Variants in CCBE1 observed in about 807,000 individuals in gnomAD.
CCBE1 encodes collagen and calcium binding EGF domains 1.
CCBE1 carries 37 observed loss-of-function variants against 50.0 expected under a neutral mutation model. The ratio of observed to expected loss-of-function variants is 0.74; its 90% CI spans 0.57 to 0.97. The LOEUF (loss-of-function observed/expected upper bound fraction) is 0.97. Ranked by LOEUF, CCBE1 falls within the 50% of genes least tolerant of loss-of-function variation. CCBE1 has a pLI of 0.00. For synonymous variants in CCBE1, 234 were observed against 203.7 expected, an observed-to-expected ratio of 1.15 and a Z score of -1.27; for missense variants, 538 against 523.8, an observed-to-expected ratio of 1.03 and a Z score of -0.26.
chr18:59,514,644 T>TCAA (rs1333839795), intron 2 of CCBE1, among the ~76,000 whole-genome samples: 1 of 114,702 alleles, frequency 8.7e-6, no homozygotes, highest in African/African-American at 3.7e-5. Flanking sequence ...TTCCTTTCCT[T>TCAA]GAAAAAAAAA....
chr18:59,578,834 G>A (rs1288882700), intron 2 of CCBE1, among the ~76,000 whole-genome samples: 1 of 152,186 alleles, frequency 6.6e-6, no homozygotes, highest in Non-Finnish European at 1.5e-5. Context: ...AGCATTAGGA[G>A]AAATACCTAA....
rs1268709288 is a variant in CCBE1 at position 59,500,070 on chromosome 18, C to T, written c.213-19832G>A. 2.0e-5 allele frequency among the ~76,000 whole-genome samples: 3 copies of T among 152,202 alleles called. No homozygotes were observed. In the East Asian group the frequency reaches 5.8e-4, roughly 29 times the overall value. ...GGCTTAGCTCTTCAGCAGGGGCTGC[C>T]TGAGTCAAAAGATAAGTCCCAGAGG... On this transcript the variant is annotated intron_variant, in intron 2 of 10. Transcript: ENST00000439986.
At chr18:59,631,724 A>G (rs1454907309) in intron 2 of CCBE1, among the ~76,000 whole-genome samples, 4 of 152,212 alleles carry the variant, frequency 2.6e-5, no homozygotes, top group Admixed American at 2.6e-4. Flanking sequence ...CAACTTAAGA[A>G]GCACTGGGCA....
chr18:59,499,317 G>A (rs1228845456), intron 2 of CCBE1, among the ~76,000 whole-genome samples: 2 of 152,156 alleles, frequency 1.3e-5, no homozygotes, highest in Admixed American at 6.5e-5. Flanking sequence ...TGGTGGGAGT[G>A]ATGCTTTCGT....
chr18:59,647,535 C>T (rs1447186817), intron 2 of CCBE1, among the ~76,000 whole-genome samples: 1 of 152,106 alleles, frequency 6.6e-6, no homozygotes, highest in Admixed American at 6.5e-5. Flanking sequence ...CTCTGCAAGG[C>T]TTATTCCTAA....
intron 5 of CCBE1, among the ~76,000 whole-genome samples, chr18:59,457,156 A>G (rs1197332637): frequency 6.6e-6 from 1 of 152,254 alleles, no homozygotes; most frequent in African/African-American, 2.4e-5. Flanking sequence ...TGTAACCAAC[A>G]TAACAGGGCC....
intron 2 of CCBE1, among the ~76,000 whole-genome samples, chr18:59,618,553 G>C (rs1288411469): frequency 6.6e-6 from 1 of 151,432 alleles, no homozygotes; most frequent in Non-Finnish European, 1.5e-5. Flanking sequence ...TCCTGCTTCA[G>C]CCACCTGAGT....
At chr18:59,537,810 A>G (rs900128914) in intron 2 of CCBE1, among the ~76,000 whole-genome samples, 14 of 152,160 alleles carry the variant, frequency 9.2e-5, no homozygotes, top group African/African-American at 2.9e-4. Flanking sequence ...ATACCTCAAT[A>G]GAATCTGGTT....
At chr18:59,611,247 G>A (rs1022151391) in intron 2 of CCBE1, among the ~76,000 whole-genome samples, 1 of 152,238 alleles carries the variant, frequency 6.6e-6, no homozygotes, top group Admixed American at 6.5e-5. Context: ...CCGAGTAAGA[G>A]CTGGCAAGAG....
At chr18:59,549,644 A>G (rs1915841680) in intron 2 of CCBE1, among the ~76,000 whole-genome samples, 1 of 152,148 alleles carries the variant, frequency 6.6e-6, no homozygotes, top group South Asian at 2.1e-4. Context: ...GCCAGAACAC[A>G]CCAATTATTA....
At chr18:59,567,272 TA>T (rs375768885) in intron 2 of CCBE1, among the ~76,000 whole-genome samples, 210 of 152,006 alleles carry the variant, frequency 1.4e-3, no homozygotes, top group African/African-American at 4.5e-3. Flanking sequence ...CATACCCAGC[TA>T]CCCTACCCAC....
intron 2 of CCBE1, among the ~76,000 whole-genome samples, chr18:59,649,058 T>C (rs1266237455): frequency 6.6e-6 from 1 of 152,180 alleles, no homozygotes; most frequent in Non-Finnish European, 1.5e-5. Flanking sequence ...GAGAGGACGA[T>C]TCAGTGGTCC....
At chr18:59,559,910 A>T (rs2052709626) in intron 2 of CCBE1, among the ~76,000 whole-genome samples, 1 of 152,158 alleles carries the variant, frequency 6.6e-6, no homozygotes, top group African/African-American at 2.4e-5. Flanking sequence ...ACCGCTGGAC[A>T]ATGCAACCGG....
At chr18:59,548,891 C>T (rs998593769) in intron 2 of CCBE1, among the ~76,000 whole-genome samples, 22 of 151,974 alleles carry the variant, frequency 1.4e-4, no homozygotes, top group Non-Finnish European at 2.6e-4. Flanking sequence ...ACACCTGAGG[C>T]CAGGAGTTCA....
rs1226692001 is a variant in CCBE1 at position 59,433,466 on chromosome 18, T to A, written c.*2442A>T. 2 of 152,110 alleles carry A rather than the reference T, an allele frequency of 1.3e-5. No individual in the cohort carries two copies. The highest frequency in any genetic ancestry group is 4.8e-5 in the African/African-American group (2 of 41,402). 9.4% of individuals were successfully genotyped at this position (152,110 alleles called of 1,614,324 possible). ...AGTGTTCATGAAAGACTCGGTCACA[T>A]GCTGACTGACATGAGTCCTGCATTT... is the stretch of plus-strand genomic sequence containing the variant. On this transcript the variant is annotated 3_prime_UTR_variant, in exon 11 of 11. Coordinates refer to ENST00000439986, the MANE Select transcript of CCBE1 (RefSeq NM_133459.4).
chr18:59,456,584 C>A (rs1320554913), intron 5 of CCBE1, among the ~76,000 whole-genome samples: 1 of 152,184 alleles, frequency 6.6e-6, no homozygotes, highest in East Asian at 1.9e-4. Context: ...AAGAAACCAA[C>A]CCTGCTGACA....
chr18:59,502,153 AC>A (rs1198474701), intron 2 of CCBE1, among the ~76,000 whole-genome samples: 1 of 152,094 alleles, frequency 6.6e-6, no homozygotes, highest in African/African-American at 2.4e-5. Flanking sequence ...TGGCTGTGTC[AC>A]CTTGGGGTCT....
rs555583934 is a variant in CCBE1 at position 59,625,304 on chromosome 18, G to A, written c.212+71325C>T. Among the ~76,000 whole-genome samples, 9 of 152,072 alleles carry A rather than the reference G, an allele frequency of 5.9e-5. No individual in the cohort carries two copies. In the East Asian group the frequency reaches 9.7e-4, roughly 16 times the overall value. On this transcript the variant is annotated intron_variant, in intron 2 of 10. Coordinates refer to ENST00000439986, the MANE Select transcript of CCBE1 (RefSeq NM_133459.4). ...AAATTAGCTGGGTGTGGTGGTGGGC[G>A]CCTGTGGTCCCAGCTACTCGGGAGG...
intron 2 of CCBE1, among the ~76,000 whole-genome samples, chr18:59,644,858 A>G (rs1011093332): frequency 6.6e-6 from 1 of 152,248 alleles, no homozygotes; most frequent in Non-Finnish European, 1.5e-5. Flanking sequence ...ATCTCAAATA[A>G]AAGATTTTCC....
Sources: gnomAD v4.1 joint callset for allele counts (sites outside exome capture counted in the v4.1 genomes callset) on GRCh38, gnomAD v4.1.1 for gene constraint, MANE v1.5 for transcripts, NCBI Gene and HGNC (gene_info 2026-07-23, HGNC 2026-07-21) for gene names.